WDR19: variants seen among roughly 807,000 people sequenced by gnomAD.
The protein encoded by WDR19 is WD repeat domain 19.
WDR19 carries 121 observed loss-of-function variants against 180.0 expected under a neutral mutation model. That is an observed-to-expected ratio of 0.67 (90% CI 0.58 to 0.78). The LOEUF is 0.78. Ranked by LOEUF, WDR19 falls within the 30% of genes least tolerant of loss-of-function variation. WDR19 has a pLI of 0.00. For synonymous variants in WDR19, 497 were observed against 540.7 expected, an observed-to-expected ratio of 0.92 and a Z score of 1.12; for missense variants, 1,450 against 1,640.7, an observed-to-expected ratio of 0.88 and a Z score of 2.01.
chr4:39,246,119 A>G (rs1379512996), intron 24 of WDR19, among the ~76,000 whole-genome samples: 1 of 152,224 alleles, frequency 6.6e-6, no homozygotes, highest in Non-Finnish European at 1.5e-5. Context: ...ACTAATAGTA[A>G]TTAAATTAAG....
chr4:39,254,065 T>C lies in WDR19; in HGVS notation c.3001+35T>C, dbSNP rs1168614263. On this transcript the variant is annotated intron_variant, in intron 26 of 36. Transcript: ENST00000399820. ...ATTTTTTCCCTGGTTCTCTTCAAGATGTTTATCATAAAAACACTTTGTCTC... is the reference window on the plus strand; with the variant it reads ...ATTTTTTCCCTGGTTCTCTTCAAGACGTTTATCATAAAAACACTTTGTCTC... 3.1e-6 allele frequency: 5 copies of C among 1,591,576 alleles called. No homozygotes were observed. The South Asian group carries it at 3.4e-5, about 11-fold the overall frequency.
chr4:39,195,405 C>T (rs1162945822), intron 5 of WDR19, among the ~76,000 whole-genome samples: 1 of 123,156 alleles, frequency 8.1e-6, no homozygotes, highest in East Asian at 2.2e-4. Flanking sequence ...CAAAAAAAAA[C>T]ATTTACTGCT....
At chr4:39,230,568 GA>G (rs1730735956) in intron 17 of WDR19, among the ~76,000 whole-genome samples, 1 of 152,146 alleles carries the variant, frequency 6.6e-6, no homozygotes, top group African/African-American at 2.4e-5. Context: ...TAGGGTAAGA[GA>G]ATTTATGCAA....
intron 1 of WDR19, among the ~76,000 whole-genome samples, chr4:39,185,110 C>A (rs933531576): frequency 6.6e-6 from 1 of 152,140 alleles, no homozygotes; most frequent in East Asian, 1.9e-4. Flanking sequence ...TACTTATATT[C>A]CAAGTCCTCA....
chr4:39,228,804 A>ATTT, intron 17 of WDR19, 114 bp downstream of exon 17: 17 of 963,360 alleles, frequency 1.8e-5, no homozygotes, highest in South Asian at 2.6e-5. Flanking sequence ...CCTTGCAAGA[A>ATTT]TTTTTTTTTT....
rs1183249870 is a variant in WDR19 at position 39,270,073 on chromosome 4, GA to G, written c.3457del (p.Ile1153PhefsTer7). ...IPSEMATNLM[I>X]LHSYILVKIH... The stretch of plus-strand genomic sequence containing the variant: ...CCTCCGAGATGGCCACCAACCTCAT[GA>G]TTCTGCACAGCTATATACTAGTAAA... On this transcript the variant is annotated frameshift_variant, in exon 31 of 37. Transcript: ENST00000399820. LOFTEE classifies it high-confidence loss of function. 2 of 1,613,840 alleles carry G rather than the reference GA, an allele frequency of 1.2e-6. No homozygotes were observed. Among genetic ancestry groups the G allele is most frequent in the Admixed American group, 3.3e-5 (2 of 59,992 alleles).
chr4:39,231,337 A>T (rs1370356981), intron 17 of WDR19, among the ~76,000 whole-genome samples: 1 of 145,746 alleles, frequency 6.9e-6, no homozygotes, highest in Non-Finnish European at 1.5e-5. Flanking sequence ...AAAAAAAAAA[A>T]GAGTGGGCTG....
At chr4:39,198,861 G>T (rs1167857607) in intron 5 of WDR19, among the ~76,000 whole-genome samples, 2 of 152,136 alleles carry the variant, frequency 1.3e-5, no homozygotes, top group African/African-American at 4.8e-5. Context: ...TTAGTTGGGT[G>T]TGGTGGCTCG....
intron 33 of WDR19, 175 bp from the exon 34 acceptor site, chr4:39,276,845 C>G (rs892253228): frequency 5.4e-5 from 39 of 728,318 alleles, no homozygotes. Flanking sequence ...TACTCTTCCT[C>G]CTCCCTGGAG....
At chr4:39,260,746 G>A (rs567561966) in intron 28 of WDR19, among the ~76,000 whole-genome samples, 1 of 152,156 alleles carries the variant, frequency 6.6e-6, no homozygotes, top group Non-Finnish European at 1.5e-5. Context: ...CAGTAATTTG[G>A]TTCCTGATGA....
chr4:39,254,553 A>G (rs1733566399), intron 26 of WDR19, among the ~76,000 whole-genome samples: 1 of 152,216 alleles, frequency 6.6e-6, no homozygotes, highest in African/African-American at 2.4e-5. Flanking sequence ...ATTTTTAGAA[A>G]CTACTGAAAT....
rs751273120 is a variant in WDR19 at position 39,215,892 on chromosome 4, C to A, written c.1013C>A (p.Thr338Asn). ...TDDGQLLALSTQRGSLHVFLT... is the reference protein window; with the variant it reads ...TDDGQLLALSNQRGSLHVFLT... ...GATGGCCAGTTGCTAGCACTCTCTA[C>A]CCAAAGGGGCTCACTTCATGTTTTC... The change falls in exon 11 of 37, where the codon ACC becomes AAC. Residue 338 changes from threonine to asparagine, a missense_variant. Thr to Asn is a moderately conservative substitution (Grantham distance 65, BLOSUM62 0). Transcript: ENST00000399820. 1.9e-6 allele frequency: 3 copies of A among 1,613,724 alleles called. No individual in the cohort carries two copies. The African/African-American group carries it at 4.0e-5, about 22-fold the overall frequency.
intron 1 of WDR19, among the ~76,000 whole-genome samples, chr4:39,184,833 T>C (rs1725342660): frequency 6.6e-6 from 1 of 152,180 alleles, no homozygotes; most frequent in Non-Finnish European, 1.5e-5. Flanking sequence ...TCACTGAAAC[T>C]CATATTCCTA....
intron 23 of WDR19, among the ~76,000 whole-genome samples, chr4:39,244,994 T>C (rs1414909523): frequency 1.3e-5 from 2 of 149,930 alleles, no homozygotes; most frequent in African/African-American, 4.9e-5. Flanking sequence ...GAAGTGCAGC[T>C]GGCACGATCT....
At chr4:39,269,687 A>G (rs900956709) in intron 30 of WDR19, among the ~76,000 whole-genome samples, 2 of 152,192 alleles carry the variant, frequency 1.3e-5, no homozygotes, top group African/African-American at 4.8e-5. Flanking sequence ...TCTCTACAAA[A>G]AACACAAAAA....
At chr4:39,230,864 G>C (rs1441017167) in intron 17 of WDR19, among the ~76,000 whole-genome samples, 1 of 152,108 alleles carries the variant, frequency 6.6e-6, no homozygotes, top group African/African-American at 2.4e-5. Flanking sequence ...AAGTTTAATT[G>C]GCATTTATGT....
intron 2 of WDR19, among the ~76,000 whole-genome samples, chr4:39,186,037 A>G (rs964031757): frequency 9.2e-5 from 14 of 152,092 alleles, no homozygotes; most frequent in African/African-American, 3.4e-4. Flanking sequence ...TAACAGTTAT[A>G]TGACAGGAAA....
rs576741243 is a variant in WDR19 at position 39,241,426 on chromosome 4, G to A, written c.2421+1092G>A. Among the ~76,000 whole-genome samples the A allele has an allele frequency of 7.3e-5, 11 of 150,508 alleles. No individual in the cohort carries two copies. The Middle Eastern group carries it at 0.017, about 233-fold the overall frequency. ...GGAGAATCGCTTGAACCCAGAAGGCGGAGGTTGCAGTGAGCTGAGATTGCG... is the reference window on the plus strand; with the variant it reads ...GGAGAATCGCTTGAACCCAGAAGGCAGAGGTTGCAGTGAGCTGAGATTGCG... On this transcript the variant is annotated intron_variant, in intron 21 of 36. Transcript: ENST00000399820.
At chr4:39,192,840 A>G (rs1262361652) in intron 4 of WDR19, among the ~76,000 whole-genome samples, 1 of 152,154 alleles carries the variant, frequency 6.6e-6, no homozygotes, top group Admixed American at 6.5e-5. Flanking sequence ...TTACCTGTCA[A>G]AGGAGTTCTG....
Sources: allele counts gnomAD v4.1 joint callset (sites outside exome capture counted in the v4.1 genomes callset), GRCh38; gene constraint gnomAD v4.1.1; transcripts MANE v1.5; gene names NCBI Gene and HGNC (gene_info 2026-07-23, HGNC 2026-07-21).